The following PRDM5 variants were observed in gnomAD, a reference collection of about 807,000 sequenced individuals.
PRDM5 encodes PR domain zinc finger protein 5.
Under a neutral mutation model 81.2 loss-of-function variants are expected in PRDM5, and 56 were observed. The observed-to-expected ratio is 0.69, with a 90% confidence interval of 0.56 to 0.86. The LOEUF is 0.86. Ranked by LOEUF, PRDM5 falls within the 40% of genes least tolerant of loss-of-function variation. The pLI is 0.00. For synonymous variants in PRDM5, 267 were observed against 256.4 expected (o/e 1.04, Z -0.39); for missense variants, 697 against 770.1 (o/e 0.91, Z 1.12).
chr4:120,896,604 G>C (rs1440343452), intron 2 of PRDM5: 1 of 151,270 alleles, frequency 6.6e-6, no homozygotes, highest in East Asian at 1.9e-4. Flanking sequence ...TCACTGGCTT[G>C]TTTGTAAAGT....
chr4:120,804,789 A>T (rs10022573), intron 8 of PRDM5, among the ~76,000 whole-genome samples: 14,845 of 152,202 alleles, frequency 0.098, 1,598 homozygotes, highest in African/African-American at 0.27. Context: ...CAATTAAAAG[A>T]ACTAGAGAAG....
chr4:120,802,827 C>T (rs1201084540), intron 8 of PRDM5, among the ~76,000 whole-genome samples: 3 of 152,184 alleles, frequency 2.0e-5, no homozygotes, highest in Non-Finnish European at 2.9e-5. Context: ...AACGCAGCTC[C>T]TTGCCAGCAA....
At position 120,784,852 on chromosome 4, in the gene PRDM5, G is replaced by A. The variant is rs1033357731; in HGVS notation, c.1282+146C>T. 33 of 513,704 alleles carry A rather than the reference G, an allele frequency of 6.4e-5. No individual in the cohort carries two copies. In the Admixed American group the frequency reaches 9.7e-4, roughly 15 times the overall value. The allele number at this position is 513,704 out of a possible 1,614,324, so 31.8% of individuals were successfully genotyped here. On this transcript the variant is annotated intron_variant, in intron 11 of 15. Coordinates refer to ENST00000264808, the MANE Select transcript of PRDM5 (RefSeq NM_018699.4). ...AATATAAAGCGAAAAAAAGTGAAAG[G>A]CAGAATTTTCGGTCTTTCTTATGTT...
At chr4:120,875,295 G>A (rs1762232517) in intron 2 of PRDM5, among the ~76,000 whole-genome samples, 1 of 152,220 alleles carries the variant, frequency 6.6e-6, no homozygotes, top group South Asian at 2.1e-4. Context: ...CAACTTGAGT[G>A]CCAATTCCAA....
chr4:120,724,507 C>T (rs569041004), intron 14 of PRDM5, among the ~76,000 whole-genome samples: 56 of 152,302 alleles, frequency 3.7e-4, no homozygotes, highest in Admixed American at 1.0e-3. Flanking sequence ...GTCACAGACT[C>T]TTACATTTAA....
intron 2 of PRDM5, among the ~76,000 whole-genome samples, chr4:120,891,850 G>C (rs1330486922): frequency 6.6e-6 from 1 of 152,006 alleles, no homozygotes; most frequent in Admixed American, 6.6e-5. Flanking sequence ...GGCTGTTCTC[G>C]AACTCCTGAC....
At chr4:120,730,478 A>G (rs891031807) in intron 14 of PRDM5, among the ~76,000 whole-genome samples, 4 of 152,232 alleles carry the variant, frequency 2.6e-5, no homozygotes, top group African/African-American at 4.8e-5. Flanking sequence ...GGATCTTCAT[A>G]CAGATAAGTC....
intron 9 of PRDM5, 145 bp downstream of exon 9, chr4:120,799,516 C>T: frequency 2.3e-6 from 3 of 1,288,500 alleles, no homozygotes; most frequent in South Asian, 1.6e-5. Flanking sequence ...AATTAAATAA[C>T]TTGTTCAGAA....
chr4:120,795,970 T>C (rs1751292845), intron 10 of PRDM5, among the ~76,000 whole-genome samples: 1 of 152,148 alleles, frequency 6.6e-6, no homozygotes, highest in African/African-American at 2.4e-5. Flanking sequence ...AATAATATTC[T>C]ATTTTTCAAG....
At chr4:120,739,218 A>G (rs1026309655) in intron 14 of PRDM5, among the ~76,000 whole-genome samples, 2 of 152,234 alleles carry the variant, frequency 1.3e-5, no homozygotes, top group Admixed American at 6.5e-5. Flanking sequence ...ATCCTAGAAC[A>G]TCACTTCTGC....
chr4:120,895,654 A>G (rs1764533429), intron 2 of PRDM5: 1 of 152,262 alleles, frequency 6.6e-6, no homozygotes, highest in Non-Finnish European at 1.5e-5. Flanking sequence ...TATCTATCAT[A>G]TAAGAAGCCA....
chr4:120,687,008 G>C (rs1453957457), downstream of PRDM5, among the ~76,000 whole-genome samples: 1 of 151,972 alleles, frequency 6.6e-6, no homozygotes, highest in African/African-American at 2.4e-5. Context: ...GGAGATGAAG[G>C]TTAAATCTCA....
At chr4:120,792,070 C>T (rs17051258) in intron 10 of PRDM5, among the ~76,000 whole-genome samples, 30,310 of 152,132 alleles carry the variant, frequency 0.2, 3,678 homozygotes, top group Non-Finnish European at 0.28. Context: ...CTGAAGACAC[C>T]CACCATCTCA....
At chr4:120,686,732 C>A (rs949726423) in intron 1 of PRDM5, among the ~76,000 whole-genome samples, 40 of 151,826 alleles carry the variant, frequency 2.6e-4, no homozygotes, top group South Asian at 4.2e-4. Flanking sequence ...TTGACCATTC[C>A]CTTCCCCTTC....
chr4:120,778,667 A>G (rs1561197775), intron 12 of PRDM5, among the ~76,000 whole-genome samples: 1 of 152,132 alleles, frequency 6.6e-6, no homozygotes, highest in African/African-American at 2.4e-5. Flanking sequence ...AATTTATATT[A>G]TACTCGAGTT....
chr4:120,863,815 G>GA (rs1760905919), intron 2 of PRDM5, among the ~76,000 whole-genome samples: 1 of 152,128 alleles, frequency 6.6e-6, no homozygotes, highest in Admixed American at 6.6e-5. Flanking sequence ...TTATAACAAT[G>GA]AAAGAATGGT....
At chr4:120,899,445 C>A (rs900241870) in intron 2 of PRDM5, among the ~76,000 whole-genome samples, 1 of 152,202 alleles carries the variant, frequency 6.6e-6, no homozygotes, top group African/African-American at 2.4e-5. Context: ...GTACACACTT[C>A]AAGATTTCAG....
chr4:120,714,008 C>T (rs35912328), intron 14 of PRDM5, among the ~76,000 whole-genome samples: 17,420 of 152,168 alleles, frequency 0.11, 1,331 homozygotes, highest in Non-Finnish European at 0.17. Context: ...CCTATCAGCT[C>T]CCAAAGGTCC....
intron 3 of PRDM5, among the ~76,000 whole-genome samples, chr4:120,852,016 A>G (rs1455488546): frequency 1.3e-5 from 2 of 152,114 alleles, no homozygotes; most frequent in African/African-American, 4.8e-5. Flanking sequence ...TCAGTCAATT[A>G]TCTGCCAGAA....
Sources: allele counts gnomAD v4.1 joint callset (sites outside exome capture counted in the v4.1 genomes callset), GRCh38; gene constraint gnomAD v4.1.1; transcripts MANE v1.5; gene names NCBI Gene and HGNC (gene_info 2026-07-23, HGNC 2026-07-21).